ZNF333: variants seen among roughly 807,000 people sequenced by gnomAD.
The protein encoded by ZNF333 is zinc finger protein 333.
Under a neutral mutation model 76.1 loss-of-function variants are expected in ZNF333, and 61 were observed. That is an observed-to-expected ratio of 0.80 (90% CI 0.65 to 0.99). ZNF333 has a LOEUF of 0.99. ZNF333 is among the 50% of genes least tolerant of loss of function. The pLI is 0.00. For synonymous variants in ZNF333, 284 were observed against 305.0 expected, an observed-to-expected ratio of 0.93 and a Z score of 0.72; for missense variants, 717 against 822.4, an observed-to-expected ratio of 0.87 and a Z score of 1.57.
At chr19:14,729,619 C>T (rs1428234617) in intron 11 of ZNF333, among the ~76,000 whole-genome samples, 1 of 152,128 alleles carries the variant, frequency 6.6e-6, no homozygotes, top group Non-Finnish European at 1.5e-5. Flanking sequence ...TCCCAAAGTG[C>T]TGGGATTATG....
At chr19:14,693,371 A>C in intron 1 of ZNF333, 80 bp from the exon 2 acceptor site, 3 of 1,110,588 alleles carry the variant, frequency 2.7e-6, no homozygotes, top group Non-Finnish European at 3.8e-6. Context: ...TTTGATTGTG[A>C]CCACTCTGCT....
Position 14,715,038 on chromosome 19 carries a change from C to CGT in ZNF333, c.512-322_512-321dup, listed in dbSNP as rs5827254. ...TCTTGGGATATGGAATGAAGGCGTGCGTGTGTGTGTGTGTGTGTGTGTGCA... is the reference window on the plus strand; with the variant it reads ...TCTTGGGATATGGAATGAAGGCGTGCGTGTGTGTGTGTGTGTGTGTGTGTGCA... On this transcript the variant is annotated intron_variant, in intron 7 of 11. Transcript: ENST00000292530. 5.2e-3 allele frequency: 880 copies of CGT among 170,714 alleles called. 5 individuals carry two copies. Among genetic ancestry groups the CGT allele is most frequent in the Middle Eastern group, 0.02 (7 of 356 alleles). 10.6% of individuals were successfully genotyped at this position (170,714 alleles called of 1,614,324 possible).
chr19:14,717,261 C>G, intron 10 of ZNF333, 172 bp downstream of exon 10: 1 of 581,682 alleles, frequency 1.7e-6, no homozygotes, highest in Non-Finnish European at 3.0e-6. Context: ...TTTTTAATCT[C>G]TAAAACTTTG....
chr19:14,699,287 A>C lies in ZNF333; in HGVS notation c.306+6A>C. Reference sequence around the variant, plus strand: ...CCTCCAGGGACATGCAAATGGTAAGATGCACGGGGTTTTCCCCGGCTCCCA... The same window carrying C: ...CCTCCAGGGACATGCAAATGGTAAGCTGCACGGGGTTTTCCCCGGCTCCCA... On this transcript the variant is annotated splice_donor_region_variant and intron_variant, in intron 5 of 11. Transcript: ENST00000292530. 1 of 1,613,380 alleles carries C rather than the reference A, an allele frequency of 6.2e-7. No individual in the cohort carries two copies. The highest frequency in any genetic ancestry group is 8.5e-7 in the Non-Finnish European group (1 of 1,179,448).
intron 5 of ZNF333, 136 bp downstream of exon 5, chr19:14,699,417 A>T: frequency 1.4e-6 from 1 of 732,394 alleles, no homozygotes; most frequent in Non-Finnish European, 2.3e-6. Context: ...GTCTGAGGGG[A>T]GTGCCTGTGA....
At chr19:14,698,899 GATATATATATATAT>G (rs60299211) in intron 4 of ZNF333, among the ~76,000 whole-genome samples, 26,802 of 132,590 alleles carry the variant, frequency 0.2, 2,947 homozygotes, top group Middle Eastern at 0.26. Context: ...CACAAATATA[GATATATATATATAT>G]ATATATATAT....
chr19:14,718,565 T>A lies in ZNF333; in HGVS notation c.1238T>A (p.Met413Lys). ...TATTCCTCGAATCTCCGGCGACACA[T>A]GAGAACCCATACCGGAGAGAAGCCA... ...FKYSSNLRRH[M>K]RTHTGEKPFE... is the part of the protein sequence containing the mutation. Residue 413 changes from methionine (M) to lysine (K), a missense_variant, in exon 12 of 12, where the codon ATG becomes AAG. Met to Lys is a moderately conservative substitution (Grantham distance 95). Coordinates refer to ENST00000292530, the MANE Select transcript of ZNF333 (RefSeq NM_032433.4). The A allele has an allele frequency of 6.2e-7, 1 of 1,613,834 alleles. No individual in the cohort carries two copies. Among genetic ancestry groups the A allele is most frequent in the African/African-American group, 1.3e-5 (1 of 75,004 alleles).
In ZNF333 at chr19:14,718,656, C is replaced by T. The variant is rs749526776; in HGVS notation, c.1329C>T (p.Asn443=). Residue 443 remains asparagine, a synonymous_variant, in exon 12 of 12, where the codon AAC becomes AAT. Coordinates refer to ENST00000292530, the MANE Select transcript of ZNF333 (RefSeq NM_032433.4). ...TTAACCTGATTTTGCACCAGAGAAA[C>T]CACACAGGAGAGAAGCCCTACGAGT... ...RNFNLILHQR[N]HTGEKPYECK... The T allele has an allele frequency of 1.2e-5, 20 of 1,613,758 alleles. No homozygotes were observed. In the East Asian group the frequency reaches 4.0e-4, roughly 32 times the overall value.
intron 1 of ZNF333, 96 bp from the exon 2 acceptor site, chr19:14,693,355 A>G (rs770707177): frequency 5.6e-5 from 49 of 881,114 alleles, no homozygotes; most frequent in Non-Finnish European, 8.2e-5. Context: ...AATGTCCTGT[A>G]AGGGTTTTGA....
At chr19:14,726,471 T>C (rs1438613675), downstream of ZNF333, among the ~76,000 whole-genome samples, 1 of 152,210 alleles carries the variant, frequency 6.6e-6, no homozygotes, top group African/African-American at 2.4e-5. Flanking sequence ...CTTTCCTTCT[T>C]TACCGCATGG....
downstream of ZNF333, among the ~76,000 whole-genome samples, chr19:14,726,452 G>A (rs556003680): frequency 8.5e-5 from 13 of 152,188 alleles, no homozygotes; most frequent in African/African-American, 2.6e-4. Flanking sequence ...TTCTTCCCCC[G>A]AAAATGCTCT....
In ZNF333 at chr19:14,699,781, G is replaced by T. The variant is rs373458649; in HGVS notation, c.306+500G>T. On this transcript the variant is annotated intron_variant, in intron 5 of 11. Transcript: ENST00000292530. ...AATAAATGTGAGTCAGACATTGAGC[G>T]TGCGAAATACGACTTCCTCCTCAGC... 1.3e-3 allele frequency among the ~76,000 whole-genome samples: 203 copies of T among 152,156 alleles called. 1 individual carries two copies. Among genetic ancestry groups the T allele is most frequent in the Non-Finnish European group, 2.3e-3 (156 of 68,012 alleles).
At chr19:14,724,536 C>T (rs983655280), downstream of ZNF333, among the ~76,000 whole-genome samples, 9 of 152,246 alleles carry the variant, frequency 5.9e-5, no homozygotes, top group South Asian at 4.1e-4. Context: ...GAGGCCGAGG[C>T]GGGTGGATCA....
At chr19:14,701,941 A>T (rs927152360) in intron 5 of ZNF333, 2 of 977,526 alleles carry the variant, frequency 2.0e-6, no homozygotes, top group Non-Finnish European at 2.4e-6. Flanking sequence ...AACCGCAGAG[A>T]CCACAGTCTC....
intron 6 of ZNF333, among the ~76,000 whole-genome samples, chr19:14,705,454 AGCCCCACT>A (rs2146979670): frequency 6.6e-6 from 1 of 152,158 alleles, no homozygotes; most frequent in South Asian, 2.1e-4. Context: ...CTTCCACCCC[AGCCCCACT>A]GCTTCCATAA....
At chr19:14,725,959 G>C (rs573815711), downstream of ZNF333, among the ~76,000 whole-genome samples, 81 of 152,280 alleles carry the variant, frequency 5.3e-4, no homozygotes, top group Non-Finnish European at 7.8e-4. Flanking sequence ...GGGTACGGGG[G>C]AATCCAATCC....
chr19:14,705,674 A>T (rs2042088333), intron 6 of ZNF333, among the ~76,000 whole-genome samples: 1 of 152,218 alleles, frequency 6.6e-6, no homozygotes, highest in South Asian at 2.1e-4. Flanking sequence ...GCTTGTTAGG[A>T]ACCAGGCTGC....
rs1349883191 is a variant in ZNF333, at chr19:14,721,687, C to A, written c.*2362C>A. Reference sequence around the variant, plus strand: ...TATTCTGTTTACAAACATTTGAGTTCTGTCCTCCAGGTTCATCCATGTTAT... The same window carrying A: ...TATTCTGTTTACAAACATTTGAGTTATGTCCTCCAGGTTCATCCATGTTAT... On this transcript the variant is annotated 3_prime_UTR_variant, in exon 12 of 12. Coordinates refer to ENST00000292530, the MANE Select transcript of ZNF333 (RefSeq NM_032433.4). The A allele has an allele frequency of 6.6e-6, 1 of 152,194 alleles. No homozygotes were observed. The highest frequency in any genetic ancestry group is 2.4e-5 in the African/African-American group (1 of 41,442). The allele number at this position is 152,194 out of a possible 1,614,324, so 9.4% of individuals were successfully genotyped here.
intron 4 of ZNF333, among the ~76,000 whole-genome samples, chr19:14,697,357 C>CTTTTTTTTTTTT (rs139125023): frequency 7.2e-3 from 648 of 90,582 alleles, no homozygotes; most frequent in Non-Finnish European, 9.7e-3. Flanking sequence ...TTTTTCTTTT[C>CTTTTTTTTTTTT]TTTTTTTTTT....
Sources: allele counts gnomAD v4.1 joint callset (sites outside exome capture counted in the v4.1 genomes callset), GRCh38; gene constraint gnomAD v4.1.1; transcripts MANE v1.5; gene names NCBI Gene and HGNC (gene_info 2026-07-23, HGNC 2026-07-21).